Variants in CCSER1 observed in about 807,000 individuals in gnomAD.
CCSER1 encodes serine-rich coiled-coil domain-containing protein 1.
A neutral mutation model predicts 82.0 loss-of-function variants in CCSER1; 41 were observed. The observed-to-expected ratio is 0.50, with a 90% CI of 0.39 to 0.65. The LOEUF (loss-of-function observed/expected upper bound fraction) is 0.65. Ranked by LOEUF, CCSER1 falls within the 30% of genes least tolerant of loss-of-function variation. The pLI is 0.00. For synonymous variants in CCSER1, 414 were observed against 383.9 expected (o/e 1.08, Z -0.92); for missense variants, 1,119 against 1,064.2 (o/e 1.05, Z -0.72).
rs1207471705 is a variant in CCSER1, at chr4:90,567,432, A to C, written c.1725-60593A>C. Reference sequence around the variant, plus strand: ...CAGCCTTCCGAGTAGCTGGGTTTACAGACATGCACCACTACGCTTTCCTAA... The same window carrying C: ...CAGCCTTCCGAGTAGCTGGGTTTACCGACATGCACCACTACGCTTTCCTAA... On this transcript the variant is annotated intron_variant, in intron 5 of 10. Coordinates refer to ENST00000509176, the MANE Select transcript of CCSER1 (RefSeq NM_001145065.2). Among the ~76,000 whole-genome samples, 4 of 151,586 alleles carry C rather than the reference A, an allele frequency of 2.6e-5. No homozygotes were observed. In the East Asian group the frequency reaches 7.8e-4, roughly 29 times the overall value.
chr4:90,404,963 G>T (rs546512760), intron 4 of CCSER1, among the ~76,000 whole-genome samples: 2 of 151,968 alleles, frequency 1.3e-5, no homozygotes, highest in African/African-American at 4.8e-5. Flanking sequence ...ATTCTTTAAC[G>T]TTCCCAAAAG....
chr4:90,233,749 A>G (rs1488864780), intron 1 of CCSER1, among the ~76,000 whole-genome samples: 1 of 151,846 alleles, frequency 6.6e-6, no homozygotes, highest in African/African-American at 2.4e-5. Flanking sequence ...TTATTATAGA[A>G]AAAGCAGTAG....
intron 10 of CCSER1, among the ~76,000 whole-genome samples, chr4:91,358,397 T>G (rs1252583505): frequency 2.0e-5 from 3 of 149,094 alleles, no homozygotes; most frequent in Non-Finnish European, 3.0e-5. Flanking sequence ...CCACGTTGTT[T>G]TTTTTTTTTT....
intron 6 of CCSER1, among the ~76,000 whole-genome samples, chr4:90,687,262 T>C (rs1734979856): frequency 6.6e-6 from 1 of 152,172 alleles, no homozygotes; most frequent in South Asian, 2.1e-4. Context: ...GAGAAAGCTT[T>C]TTACATTTAA....
chr4:90,829,179 T>C (rs1243921533), intron 8 of CCSER1, among the ~76,000 whole-genome samples: 2 of 152,024 alleles, frequency 1.3e-5, no homozygotes, highest in Non-Finnish European at 2.9e-5. Flanking sequence ...AAAGAAAAAC[T>C]AAGGAAACAA....
intron 8 of CCSER1, among the ~76,000 whole-genome samples, chr4:90,839,970 ATAAAT>A (rs1762365452): frequency 6.6e-6 from 1 of 152,058 alleles, no homozygotes; most frequent in African/African-American, 2.4e-5. Flanking sequence ...AGTTATTGTA[ATAAAT>A]TAATATAATA....
intron 10 of CCSER1, among the ~76,000 whole-genome samples, chr4:91,116,104 T>C (rs1411468160): frequency 6.6e-6 from 1 of 152,086 alleles, no homozygotes; most frequent in Non-Finnish European, 1.5e-5. Flanking sequence ...GAATATGCAG[T>C]GTTTGGTTTT....
chr4:91,282,934 T>C (rs1052247692), intron 10 of CCSER1, among the ~76,000 whole-genome samples: 1 of 152,178 alleles, frequency 6.6e-6, no homozygotes, highest in Admixed American at 6.6e-5. Flanking sequence ...AGAAAATAAA[T>C]GAGATCATAC....
intron 5 of CCSER1, among the ~76,000 whole-genome samples, chr4:90,519,663 A>T (rs886508476): frequency 2.0e-5 from 3 of 152,026 alleles, no homozygotes; most frequent in Non-Finnish European, 2.9e-5. Context: ...ACTAATAGTA[A>T]TTATGATGCT....
intron 5 of CCSER1, among the ~76,000 whole-genome samples, chr4:90,551,706 C>CTCTCTCTATATATATATATATATA: frequency 1.3e-4 from 14 of 104,216 alleles, no homozygotes; most frequent in African/African-American, 5.9e-4. Flanking sequence ...CTCTCTCTCT[C>CTCTCTCTATATATATATATATATA]TATATATATA....
chr4:91,193,082 TTG>T (rs1250319766), intron 10 of CCSER1, among the ~76,000 whole-genome samples: 5 of 152,214 alleles, frequency 3.3e-5, no homozygotes, highest in Non-Finnish European at 2.9e-5. Flanking sequence ...TAATGAATAT[TTG>T]TGTCTTTTTT....
intron 8 of CCSER1, among the ~76,000 whole-genome samples, chr4:90,841,577 CAAAAAAAAAAAA>C (rs750390139): frequency 2.0e-5 from 1 of 50,922 alleles, no homozygotes; most frequent in East Asian, 5.7e-4. Flanking sequence ...GACTCTGTCT[CAAAAAAAAAAAA>C]AAAAAAAAAG....
chr4:90,458,792 A>T (rs1317478028), intron 4 of CCSER1, among the ~76,000 whole-genome samples: 2 of 152,222 alleles, frequency 1.3e-5, no homozygotes, highest in Non-Finnish European at 2.9e-5. Flanking sequence ...TATGTGTGGA[A>T]TTTTTGTCAG....
At chr4:90,356,090 C>G (rs564274080) in intron 3 of CCSER1, among the ~76,000 whole-genome samples, 4 of 151,984 alleles carry the variant, frequency 2.6e-5, no homozygotes, top group Admixed American at 6.6e-5. Flanking sequence ...TTAACAAGAA[C>G]TCTTCTGTAA....
chr4:91,109,717 A>G (rs1020218587), intron 10 of CCSER1, among the ~76,000 whole-genome samples: 3 of 152,148 alleles, frequency 2.0e-5, no homozygotes, highest in Non-Finnish European at 4.4e-5. Context: ...AAACAACTAG[A>G]TGCTACCTGG....
At chr4:91,312,794 A>G (rs985498118) in intron 10 of CCSER1, among the ~76,000 whole-genome samples, 3 of 152,048 alleles carry the variant, frequency 2.0e-5, no homozygotes, top group African/African-American at 7.2e-5. Context: ...CCACTGTGCA[A>G]TCTATGCATG....
Position 90,404,924 on chromosome 4 carries a change from A to T in CCSER1, c.1603+4795A>T, listed in dbSNP as rs185404761. Among the ~76,000 whole-genome samples the T allele has an allele frequency of 8.5e-5, 13 of 152,300 alleles. No individual in the cohort carries two copies. The East Asian group carries it at 2.3e-3, about 27-fold the overall frequency. ...CTACTCAAATGAGAAGGAACCAGAG[A>T]AACAATTCTAGTAATATGAAAAAAC... On this transcript the variant is annotated intron_variant, in intron 4 of 10. Transcript: ENST00000509176.
intron 10 of CCSER1, among the ~76,000 whole-genome samples, chr4:91,450,973 T>C (rs1014750100): frequency 2.0e-5 from 3 of 151,972 alleles, no homozygotes; most frequent in African/African-American, 7.2e-5. Flanking sequence ...AGAAATACAA[T>C]AGACTGAGTG....
intron 10 of CCSER1, among the ~76,000 whole-genome samples, chr4:91,290,319 T>C (rs1743648911): frequency 6.6e-6 from 1 of 151,978 alleles, no homozygotes; most frequent in South Asian, 2.1e-4. Context: ...ATATAATTTA[T>C]GACATGTTGT....
Sources: gnomAD v4.1 joint callset for allele counts (sites outside exome capture counted in the v4.1 genomes callset) on GRCh38, gnomAD v4.1.1 for gene constraint, MANE v1.5 for transcripts, NCBI Gene and HGNC (gene_info 2026-07-23, HGNC 2026-07-21) for gene names.